The following VIT variants were observed in gnomAD, a reference collection of about 807,000 sequenced individuals.
VIT encodes vitrin.
In VIT, 99 loss-of-function variants were observed where a neutral mutation model predicts 78.0. The ratio of observed to expected loss-of-function variants is 1.27; its 90% CI spans 1.08 to 1.50. The LOEUF (loss-of-function observed/expected upper bound fraction) is 1.50, where lower values mean the gene tolerates loss of function less well. Among genes scored for constraint, VIT ranks in the 40% most tolerant of loss-of-function variants. VIT has a pLI of 0.00. For missense variants in VIT, 1,126 were observed against 875.3 expected (o/e 1.29, Z -3.61); for synonymous variants, 374 against 334.3 (o/e 1.12, Z -1.29).
At chr2:36,708,740 C>G (rs1002002796) in intron 1 of VIT, among the ~76,000 whole-genome samples, 1 of 152,140 alleles carries the variant, frequency 6.6e-6, no homozygotes, top group Non-Finnish European at 1.5e-5. Context: ...AATTTGAGCC[C>G]CTCCCAGTCC....
At chr2:36,713,189 G>A (rs1163567421) in intron 1 of VIT, among the ~76,000 whole-genome samples, 1 of 152,206 alleles carries the variant, frequency 6.6e-6, no homozygotes, top group African/African-American at 2.4e-5. Flanking sequence ...GGATAACTAG[G>A]GAATGTCTCA....
intron 1 of VIT, among the ~76,000 whole-genome samples, chr2:36,710,180 T>C (rs913322865): frequency 2.6e-5 from 4 of 152,366 alleles, no homozygotes; most frequent in Non-Finnish European, 5.9e-5. Flanking sequence ...CAATACTTCT[T>C]AAGTGTCCCT....
At chr2:36,776,958 G>C (rs532901801) in intron 9 of VIT, among the ~76,000 whole-genome samples, 1 of 149,772 alleles carries the variant, frequency 6.7e-6, no homozygotes, top group Non-Finnish European at 1.5e-5. Flanking sequence ...GCGTGGTGGC[G>C]GGCGCCTGTA....
At chr2:36,736,908 T>C (rs1294200693) in intron 3 of VIT, among the ~76,000 whole-genome samples, 1 of 152,158 alleles carries the variant, frequency 6.6e-6, no homozygotes, top group East Asian at 1.9e-4. Flanking sequence ...GTCAAACCAT[T>C]GTAAATCAGG....
At chr2:36,758,423 G>A (rs534743457) in intron 5 of VIT, among the ~76,000 whole-genome samples, 113 of 152,232 alleles carry the variant, frequency 7.4e-4, no homozygotes, top group African/African-American at 2.3e-3. Flanking sequence ...CCTAATAGAC[G>A]TTACCATTCC....
chr2:36,799,922 C>T (rs1294678631), intron 12 of VIT, among the ~76,000 whole-genome samples: 2 of 151,834 alleles, frequency 1.3e-5, no homozygotes. Flanking sequence ...GTGACACGCA[C>T]CGGTAGTCCC....
At chr2:36,753,612 G>A (rs1213279199) in intron 4 of VIT, among the ~76,000 whole-genome samples, 1 of 152,154 alleles carries the variant, frequency 6.6e-6, no homozygotes, top group African/African-American at 2.4e-5. Context: ...TGGGGAAGGA[G>A]AAATTGGGAA....
At chr2:36,716,482 A>G in intron 2 of VIT, 60 bp downstream of exon 2, 2 of 1,538,072 alleles carry the variant, frequency 1.3e-6, no homozygotes, top group Admixed American at 1.7e-5. Context: ...GATCCAAAGA[A>G]TCTAGCCAAG....
At chr2:36,733,731 C>A (rs1667342537) in intron 3 of VIT, among the ~76,000 whole-genome samples, 1 of 152,156 alleles carries the variant, frequency 6.6e-6, no homozygotes, top group African/African-American at 2.4e-5. Flanking sequence ...GAGGTAAGGG[C>A]TTACAGATCG....
intron 3 of VIT, among the ~76,000 whole-genome samples, chr2:36,734,151 A>G (rs975984334): frequency 2.0e-5 from 3 of 152,172 alleles, no homozygotes; most frequent in African/African-American, 7.2e-5. Context: ...CCAGCTCTCC[A>G]GGTGATTTGA....
chr2:36,711,315 G>C (rs1665783686), intron 1 of VIT, among the ~76,000 whole-genome samples: 1 of 152,166 alleles, frequency 6.6e-6, no homozygotes, highest in Non-Finnish European at 1.5e-5. Context: ...ATCTTTAACT[G>C]ATGAGTAATT....
chr2:36,774,851 T>G, intron 8 of VIT, 151 bp from the exon 9 acceptor site: 1 of 1,452,086 alleles, frequency 6.9e-7, no homozygotes, highest in Non-Finnish European at 9.1e-7. Flanking sequence ...TTGCCTCCTC[T>G]GCAACCCCCA....
intron 15 of VIT, among the ~76,000 whole-genome samples, chr2:36,809,713 C>G (rs937091265): frequency 6.6e-6 from 1 of 152,172 alleles, no homozygotes; most frequent in African/African-American, 2.4e-5. Context: ...CCATGCCTAG[C>G]CATGTACTGG....
chr2:36,733,754 G>A (rs1301470999), intron 3 of VIT, among the ~76,000 whole-genome samples: 1 of 152,124 alleles, frequency 6.6e-6, no homozygotes. Context: ...ACAGAAGGCC[G>A]GAGCCCTGGC....
At chr2:36,697,025 T>C (rs1011553714) in intron 1 of VIT, 52 bp downstream of exon 1, 2 of 152,224 alleles carry the variant, frequency 1.3e-5, no homozygotes, top group South Asian at 2.1e-4. Flanking sequence ...CCATTCATTA[T>C]CATTGAAACG....
intron 1 of VIT, among the ~76,000 whole-genome samples, chr2:36,708,229 G>A (rs906540099): frequency 1.3e-5 from 2 of 152,006 alleles, no homozygotes; most frequent in Admixed American, 6.6e-5. Context: ...CAAGGCTGCA[G>A]ATGTGGCCTC....
intron 11 of VIT, 103 bp downstream of exon 11, chr2:36,783,505 T>C (rs1051169416): frequency 6.7e-5 from 76 of 1,139,290 alleles, no homozygotes; most frequent in Non-Finnish European, 9.5e-5. Flanking sequence ...TCTCCTACCG[T>C]GGATCTATTT....
intron 7 of VIT, among the ~76,000 whole-genome samples, chr2:36,772,835 T>C (rs1295617930): frequency 1.3e-5 from 2 of 152,270 alleles, no homozygotes; most frequent in African/African-American, 4.8e-5. Flanking sequence ...GATATTTTTT[T>C]CCATGCCCTC....
intron 15 of VIT, among the ~76,000 whole-genome samples, chr2:36,813,901 T>C (rs1667374374): frequency 6.6e-6 from 1 of 152,224 alleles, no homozygotes; most frequent in Non-Finnish European, 1.5e-5. Flanking sequence ...TGTTCATTGT[T>C]TCCTAAAATA....
Sources: gnomAD v4.1 joint callset for allele counts (sites outside exome capture counted in the v4.1 genomes callset) on GRCh38, gnomAD v4.1.1 for gene constraint, MANE v1.5 for transcripts, NCBI Gene and HGNC (gene_info 2026-07-23, HGNC 2026-07-21) for gene names.